BGN: variants seen among roughly 807,000 people sequenced by gnomAD.
BGN encodes bone/cartilage proteoglycan-I.
BGN carries 6 observed loss-of-function variants against 20.0 expected under a neutral mutation model. That is an observed-to-expected ratio of 0.30 (90% CI 0.16 to 0.59). BGN has a LOEUF of 0.59. Ranked by LOEUF, BGN falls within the 20% of genes least tolerant of loss-of-function variation. The pLI is 0.88. For missense variants in BGN, 292 were observed against 312.1 expected (o/e 0.94, Z 0.49); for synonymous variants, 146 against 134.6 (o/e 1.08, Z -0.59).
rs1602985247 is a variant in BGN at position 153,507,162 on chromosome X, C to T, written c.886C>T (p.Leu296Phe). ...CAAGTTGGCCAGGGTGCCCTCAGGG[C>T]TCCCAGACCTCAAGCTCCTCCAGGT... ...NNKLARVPSG[L>F]PDLKLLQVVY... The change falls in exon 7 of 8, where the codon CTC becomes TTC. Residue 296 changes from leucine (L) to phenylalanine (F), a missense_variant. Leu to Phe is a conservative substitution (Grantham distance 22). Transcript: ENST00000331595. 1 of 1,203,267 alleles carries T rather than the reference C, an allele frequency of 8.3e-7. No homozygotes were observed. Among genetic ancestry groups the T allele is most frequent in the South Asian group, 1.8e-5 (1 of 55,586 alleles).
chrX:153,504,380 G>A (rs781975850), intron 1 of BGN, among the ~76,000 whole-genome samples: 3 of 112,246 alleles, frequency 2.7e-5, no homozygotes, highest in Non-Finnish European at 3.8e-5. Flanking sequence ...TGGGGAGGGG[G>A]GTAGTGGAAG....
At chrX:153,505,400 G>C in intron 3 of BGN, 50 bp downstream of exon 3, 1 of 1,071,133 alleles carries the variant, frequency 9.3e-7, no homozygotes. Context: ...GCAGGGGTCC[G>C]GGTGGGTGCA....
At chrX:153,504,204 G>T (rs1170480152) in intron 1 of BGN, among the ~76,000 whole-genome samples, 1 of 112,339 alleles carries the variant, frequency 8.9e-6, no homozygotes, top group African/African-American at 3.2e-5. Context: ...ATTCTTCAAA[G>T]CCCTTGAGGG....
intron 1 of BGN, among the ~76,000 whole-genome samples, chrX:153,503,938 C>T (rs781947299): frequency 3.3e-4 from 37 of 112,178 alleles, no homozygotes; most frequent in African/African-American, 1.0e-3. Context: ...GGGGGCGCCA[C>T]GGCCTCCACC....
In BGN at chrX:153,504,693, A is replaced by G; in HGVS notation, c.62A>G (p.Gln21Arg). 1 of 1,211,820 alleles carries G rather than the reference A, an allele frequency of 8.3e-7. No homozygotes were observed. Among genetic ancestry groups the G allele is most frequent in the Non-Finnish European group, 1.1e-6 (1 of 895,449 alleles). Residue 21 changes from glutamine (Q) to arginine (R), a missense_variant, in exon 2 of 8, where the codon CAG (glutamine) becomes CGG (arginine). Gln to Arg is a conservative substitution (Grantham distance 43, BLOSUM62 1). Transcript: ENST00000331595. ...CTGAGCCAGGCCCTGCCCTTTGAGC[A>G]GAGAGGCTTCTGGGACTTCACCCTG... Reference protein sequence around the residue: ...LALSQALPFEQRGFWDFTLDD... With the variant: ...LALSQALPFERRGFWDFTLDD...
intron 5 of BGN, 62 bp from the exon 6 acceptor site, chrX:153,506,768 G>T: frequency 8.6e-7 from 1 of 1,169,221 alleles, no homozygotes; most frequent in Non-Finnish European, 1.2e-6. Flanking sequence ...GCCACCTGGG[G>T]CAGAGCTAGG....
intron 1 of BGN, among the ~76,000 whole-genome samples, chrX:153,496,325 A>G (rs2089714021): frequency 8.9e-6 from 1 of 112,377 alleles, no homozygotes; most frequent in Non-Finnish European, 1.9e-5. Context: ...GCTCCCGGGG[A>G]CCAGCGCCCA....
intron 1 of BGN, among the ~76,000 whole-genome samples, chrX:153,503,993 G>C (rs1477353337): frequency 9.0e-6 from 1 of 111,703 alleles, no homozygotes; most frequent in Non-Finnish European, 1.9e-5. Flanking sequence ...TTTACCCACG[G>C]CCTCCAAGGA....
chrX:153,508,535 G>A lies in BGN; in HGVS notation c.*90G>A. 2 of 1,058,039 alleles carry A rather than the reference G, an allele frequency of 1.9e-6. No homozygotes were observed. Among genetic ancestry groups the A allele is most frequent in the Non-Finnish European group, 2.6e-6 (2 of 782,097 alleles). The allele number at this position is 1,058,039 out of a possible 1,213,427, so 87.2% of individuals were successfully genotyped here. ...TGGGGAGGCAGAGCCAGGAAGCTAAGCCAGGGCCCAGCTGCGTCCAACCCA... is the reference window on the plus strand; with the variant it reads ...TGGGGAGGCAGAGCCAGGAAGCTAAACCAGGGCCCAGCTGCGTCCAACCCA... On this transcript the variant is annotated 3_prime_UTR_variant, in exon 8 of 8. Transcript: ENST00000331595.
At position 153,505,508 on chromosome X, in the gene BGN, G is replaced by GCT. The variant is rs1270979582; in HGVS notation, c.351+160_351+161dup. On this transcript the variant is annotated intron_variant, in intron 3 of 7. Coordinates refer to ENST00000331595, the MANE Select transcript of BGN (RefSeq NM_001711.6). ...CGTGATGGGAGCTCCCGGGTTTGCG[G>GCT]CTCACTCATGTGGGTTTGAGCAACC... is the stretch of plus-strand genomic sequence containing the variant. 6 of 482,257 alleles carry GCT rather than the reference G, an allele frequency of 1.2e-5. No individual in the cohort carries two copies. In the African/African-American group the frequency reaches 1.5e-4, roughly 12 times the overall value. 39.7% of individuals were successfully genotyped at this position (482,257 alleles called of 1,213,427 possible). A position where few individuals can be genotyped will look rare whatever the true frequency, so the allele number is the denominator to read the frequency against.
chrX:153,505,498 C>T (rs1291900136), intron 3 of BGN, 148 bp downstream of exon 3: 8 of 500,545 alleles, frequency 1.6e-5, no homozygotes, highest in South Asian at 3.4e-5. Flanking sequence ...TGGGAGCTCC[C>T]GGGTTTGCGG....
chrX:153,504,743 G>T lies in BGN; in HGVS notation c.112G>T (p.Asp38Tyr). The T allele has an allele frequency of 1.7e-6, 2 of 1,211,811 alleles. No homozygotes were observed. Among genetic ancestry groups the T allele is most frequent in the Non-Finnish European group, 2.2e-6 (2 of 895,451 alleles). Residue 38 changes from aspartate to tyrosine, a missense_variant, in exon 2 of 8, where the codon GAT becomes TAT. Transcript: ENST00000331595. ...GGACGATGGGCCATTCATGATGAAC[G>T]ATGAGGAAGCTTCGGGCGCTGACAC... is the stretch of plus-strand genomic sequence containing the variant. ...TLDDGPFMMN[D>Y]EEASGADTSG...
intron 1 of BGN, chrX:153,495,398 GTC>G (rs2089704420): frequency 8.9e-6 from 1 of 112,054 alleles, no homozygotes; most frequent in Admixed American, 9.4e-5. Context: ...TCCACCTCTT[GTC>G]TCTCTGCCTC....
intron 3 of BGN, 98 bp from the exon 4 acceptor site, chrX:153,505,765 C>T (rs1278086237): frequency 6.7e-5 from 50 of 749,515 alleles, no homozygotes; most frequent in Non-Finnish European, 9.0e-5. Context: ...TGAACCTCCT[C>T]GAGGCCCAGT....
chrX:153,505,132 A>G, intron 2 of BGN, 106 bp from the exon 3 acceptor site: 1 of 654,895 alleles, frequency 1.5e-6, no homozygotes, highest in Non-Finnish European at 2.4e-6. Context: ...CTCCAAGTTC[A>G]TGCTGGTGAT....
Position 153,507,131 on chromosome X carries a change from C to T in BGN, c.855C>T (p.Asp285=), listed in dbSNP as rs1008155578. The T allele has an allele frequency of 2.5e-6, 3 of 1,207,571 alleles. No individual in the cohort carries two copies. ...CCACCCTCCGGGAGCTCCACTTGGA[C>T]AACAACAAGTTGGCCAGGGTGCCCT... ...FLPTLRELHL[D]NNKLARVPSG... is the part of the protein sequence containing the mutation. Residue 285 remains aspartate (D), a synonymous_variant, in exon 7 of 8, where the codon GAC becomes GAT. Coordinates refer to ENST00000331595, the MANE Select transcript of BGN (RefSeq NM_001711.6).
At chrX:153,496,602 G>A (rs1180948479) in intron 1 of BGN, among the ~76,000 whole-genome samples, 4 of 112,593 alleles carry the variant, frequency 3.6e-5, no homozygotes, top group African/African-American at 1.3e-4. Context: ...CTGGCCAGCT[G>A]TGGGTGGCAG....
chrX:153,498,752 G>C (rs1556991243), intron 1 of BGN, among the ~76,000 whole-genome samples: 1 of 112,330 alleles, frequency 8.9e-6, no homozygotes, highest in Non-Finnish European at 1.9e-5. Context: ...CTGGGGAGAC[G>C]ATGGCTTTTC....
chrX:153,500,272 C>T (rs1602975553), intron 1 of BGN, among the ~76,000 whole-genome samples: 2 of 113,031 alleles, frequency 1.8e-5, no homozygotes, highest in South Asian at 3.6e-4. Flanking sequence ...CCAGCCTCCT[C>T]CCTCACTCAC....
Sources: gnomAD v4.1 joint callset for allele counts (sites outside exome capture counted in the v4.1 genomes callset) on GRCh38, gnomAD v4.1.1 for gene constraint, MANE v1.5 for transcripts, NCBI Gene and HGNC (gene_info 2026-07-23, HGNC 2026-07-21) for gene names.